The following VAV2 variants were observed in gnomAD, a reference collection of about 807,000 sequenced individuals.
VAV2 encodes vav guanine nucleotide exchange factor 2.
Under a neutral mutation model 132.5 loss-of-function variants are expected in VAV2, and 67 were observed. The observed-to-expected ratio is 0.51, with a 90% CI of 0.42 to 0.62. VAV2 has a LOEUF of 0.62. Among genes scored for constraint, VAV2 ranks in the 20% least tolerant of loss-of-function variants. The pLI, the probability that VAV2 is intolerant of heterozygous loss-of-function variation, is 0.00. For synonymous variants in VAV2, 492 were observed against 443.5 expected (o/e 1.11, Z -1.37); for missense variants, 938 against 1,153.6 (o/e 0.81, Z 2.71).
In VAV2 at chr9:133,928,162, AC is replaced by A. The variant is rs1384876117; in HGVS notation, c.321+10940del. ...CGGCGGGTCAGCATCCGATGGGCTT[AC>A]CGACTCCGTGTGTGTGTGTGTGTGT... is the stretch of plus-strand genomic sequence containing the variant. On this transcript the variant is annotated intron_variant, in intron 2 of 29. Coordinates refer to ENST00000371850, the MANE Select transcript of VAV2 (RefSeq NM_001134398.2). The surrounding 1 kb of genome is among the most constrained non-coding windows in gnomAD (Gnocchi z 5.4). 9.9e-5 allele frequency among the ~76,000 whole-genome samples: 12 copies of A among 121,530 alleles called. No homozygotes were observed. Among genetic ancestry groups the A allele is most frequent in the African/African-American group, 3.4e-4 (12 of 35,034 alleles). 79.7% of individuals were successfully genotyped at this position (121,530 alleles called of 152,430 possible). A position where few individuals can be genotyped will look rare whatever the true frequency, so the allele number is the denominator to read the frequency against.
At chr9:133,948,978 A>AG (rs541475078) in intron 1 of VAV2, among the ~76,000 whole-genome samples, 2 of 152,250 alleles carry the variant, frequency 1.3e-5, no homozygotes, top group East Asian at 3.9e-4. Flanking sequence ...ACAACCTGGG[A>AG]GGAGGGAGGG....
At chr9:133,789,441 C>G (rs974354984) in intron 13 of VAV2, 98 bp from the exon 14 acceptor site, 8 of 1,146,396 alleles carry the variant, frequency 7.0e-6, no homozygotes, top group Admixed American at 1.8e-5. Context: ...AAGGGAACTC[C>G]CCACAGGCAG....
chr9:133,829,292 T>C (rs1329768385), intron 4 of VAV2, among the ~76,000 whole-genome samples: 1 of 152,286 alleles, frequency 6.6e-6, no homozygotes, highest in Non-Finnish European at 1.5e-5. Context: ...GCTGCTCTTA[T>C]TATTTGATTA....
At chr9:133,962,970 C>T (rs976437852) in intron 1 of VAV2, among the ~76,000 whole-genome samples, 22 of 152,136 alleles carry the variant, frequency 1.4e-4, no homozygotes, top group African/African-American at 5.1e-4. Context: ...TCAATTTCGC[C>T]AAGAGGTTTG....
In VAV2 at chr9:133,792,516, G is replaced by A. The variant is rs111338141; in HGVS notation, c.1102-647C>T. On this transcript the variant is annotated intron_variant, in intron 12 of 29. Transcript: ENST00000371850. ...TATGCTGAGTGGGGTGCGTGTGATTGGGTGTGTGTTATTGTGTGTGTGTAT... is the reference window on the plus strand; with the variant it reads ...TATGCTGAGTGGGGTGCGTGTGATTAGGTGTGTGTTATTGTGTGTGTGTAT... Among the ~76,000 whole-genome samples the A allele has an allele frequency of 1.8e-3, 261 of 144,730 alleles. 1 individual carries two copies. Among genetic ancestry groups the A allele is most frequent in the African/African-American group, 6.6e-3 (255 of 38,786 alleles). 94.9% of individuals were successfully genotyped at this position (144,730 alleles called of 152,430 possible). A position where few individuals can be genotyped will look rare whatever the true frequency, so the allele number is the denominator to read the frequency against.
At chr9:133,914,170 G>T (rs1839976951) in intron 2 of VAV2, among the ~76,000 whole-genome samples, 1 of 152,206 alleles carries the variant, frequency 6.6e-6, no homozygotes, top group Non-Finnish European at 1.5e-5. Context: ...CTTCGAGACA[G>T]ATGTGTCTCA....
chr9:133,783,823 C>T (rs1834106386), intron 18 of VAV2, among the ~76,000 whole-genome samples: 1 of 151,930 alleles, frequency 6.6e-6, no homozygotes, highest in Non-Finnish European at 1.5e-5. Flanking sequence ...TCCCGGGCAC[C>T]CAGGAACAAT....
Position 133,985,801 on chromosome 9 carries a change from C to T in VAV2, c.204+6274G>A, listed in dbSNP as rs150435236. On this transcript the variant is annotated intron_variant, in intron 1 of 29. Coordinates refer to ENST00000371850, the MANE Select transcript of VAV2 (RefSeq NM_001134398.2). ...AATCAAAAGACACAGGGAAGCAAGC[C>T]GGTGTAACACAGTTCCCACTGGTCA... Among the ~76,000 whole-genome samples the T allele has an allele frequency of 1.2e-3, 183 of 152,274 alleles. 1 individual carries two copies. The highest frequency in any genetic ancestry group is 4.0e-3 in the African/African-American group (165 of 41,556).
intron 9 of VAV2, among the ~76,000 whole-genome samples, chr9:133,799,965 C>T (rs930733670): frequency 4.6e-5 from 7 of 152,174 alleles, no homozygotes; most frequent in African/African-American, 1.7e-4. Context: ...ATGGTCAGAG[C>T]CATGCGCAGA....
chr9:133,964,040 T>C (rs886527379), intron 1 of VAV2, among the ~76,000 whole-genome samples: 32 of 104,060 alleles, frequency 3.1e-4, no homozygotes, highest in African/African-American at 4.7e-4. Flanking sequence ...TATATATATA[T>C]ATATATATAC....
chr9:133,925,526 G>T (rs2492056), intron 2 of VAV2, among the ~76,000 whole-genome samples: 142,846 of 152,294 alleles, frequency 0.94, 67,069 homozygotes, highest in Non-Finnish European at 0.96. Context: ...TCACAGTAAT[G>T]TTTTTTAAAG....
chr9:133,884,362 C>G lies in VAV2; in HGVS notation c.322-22930G>C, dbSNP rs767182483. ...CTCCTCCAAAGTACAACTCAAAGGA[C>G]GCTCATCAAAGCAGTGCTTCCTTAG... On this transcript the variant is annotated intron_variant, in intron 2 of 29. Coordinates refer to ENST00000371850, the MANE Select transcript of VAV2 (RefSeq NM_001134398.2). The surrounding 1 kb of genome is among the most constrained non-coding windows in gnomAD (Gnocchi z 5.3). Among the ~76,000 whole-genome samples the G allele has an allele frequency of 2.0e-5, 3 of 152,234 alleles. No homozygotes were observed. Among genetic ancestry groups the G allele is most frequent in the Non-Finnish European group, 4.4e-5 (3 of 68,044 alleles).
intron 9 of VAV2, among the ~76,000 whole-genome samples, chr9:133,799,778 T>A (rs1018545672): frequency 3.7e-4 from 56 of 151,334 alleles, no homozygotes; most frequent in South Asian, 3.2e-3. Flanking sequence ...TTTCCCCTTT[T>A]AAAAAAAAAT....
In VAV2 at chr9:133,805,916, G is replaced by A. The variant is rs571494906; in HGVS notation, c.836+165C>T. Among the ~76,000 whole-genome samples the A allele has an allele frequency of 2.1e-3, 318 of 152,236 alleles. 2 individuals carry two copies. The highest frequency in any genetic ancestry group is 9.9e-4 in the Non-Finnish European group (67 of 67,990). On this transcript the variant is annotated intron_variant, in intron 9 of 29. Transcript: ENST00000371850. The stretch of plus-strand genomic sequence containing the variant: ...ACACCCTCTCCATCAACCAGGCTGC[G>A]GCTCGGGGTGGGTGGCATCCTCAAC...
At chr9:133,908,165 G>A (rs574881338) in intron 2 of VAV2, among the ~76,000 whole-genome samples, 15 of 151,820 alleles carry the variant, frequency 9.9e-5, no homozygotes, top group African/African-American at 3.6e-4. Flanking sequence ...GAACTGGGTG[G>A]AGGCTAAAGT....
At chr9:133,797,931 C>G (rs1834785969) in intron 9 of VAV2, 122 bp from the exon 10 acceptor site, 4 of 778,856 alleles carry the variant, frequency 5.1e-6, no homozygotes, top group Non-Finnish European at 8.1e-6. Flanking sequence ...CCTCCCCTGA[C>G]AGCTCCCTGC....
intron 2 of VAV2, among the ~76,000 whole-genome samples, chr9:133,920,543 C>T (rs930819356): frequency 2.6e-5 from 4 of 152,134 alleles, no homozygotes; most frequent in Non-Finnish European, 5.9e-5. Flanking sequence ...CACTGAGGTC[C>T]CTGAGGCCAC....
At chr9:133,856,441 C>T (rs3819504) in intron 3 of VAV2, among the ~76,000 whole-genome samples, 23,720 of 150,216 alleles carry the variant, frequency 0.16, 2,000 homozygotes, top group Non-Finnish European at 0.18. Context: ...CACCGGGACC[C>T]CATGCTGGTA....
At chr9:133,917,319 C>T (rs765706400) in intron 2 of VAV2, among the ~76,000 whole-genome samples, 4 of 152,130 alleles carry the variant, frequency 2.6e-5, no homozygotes, top group African/African-American at 4.8e-5. Context: ...GGATTACCTA[C>T]GCCGACAGGG....
Sources: allele counts gnomAD v4.1 joint callset (sites outside exome capture counted in the v4.1 genomes callset), GRCh38; gene constraint gnomAD v4.1.1; non-coding constraint Gnocchi (gnomAD v3.1); transcripts MANE v1.5; gene names NCBI Gene and HGNC (gene_info 2026-07-23, HGNC 2026-07-21).